Variants in SCAPER observed in about 807,000 individuals in gnomAD.
SCAPER encodes S phase cyclin A-associated protein in the endoplasmic reticulum.
SCAPER carries 98 observed loss-of-function variants against 182.2 expected under a neutral mutation model. The ratio of observed to expected loss-of-function variants is 0.54; its 90% CI spans 0.46 to 0.64. The LOEUF (loss-of-function observed/expected upper bound fraction) is 0.64, where lower values mean the gene tolerates loss of function less well. SCAPER is among the 30% of genes least tolerant of loss of function. The pLI is 0.00. For missense variants in SCAPER, 1,432 were observed against 1,690.0 expected, an observed-to-expected ratio of 0.85 and a Z score of 2.68; for synonymous variants, 605 against 564.6, an observed-to-expected ratio of 1.07 and a Z score of -1.01.
At chr15:76,677,065 C>T (rs1002748400) in intron 20 of SCAPER, among the ~76,000 whole-genome samples, 1 of 151,994 alleles carries the variant, frequency 6.6e-6, no homozygotes, top group African/African-American at 2.4e-5. Context: ...GTCACAGGCA[C>T]AAGTAAAAGC....
chr15:76,406,882 T>C (rs1478482025), intron 26 of SCAPER, among the ~76,000 whole-genome samples: 1 of 152,166 alleles, frequency 6.6e-6, no homozygotes, highest in Non-Finnish European at 1.5e-5. Context: ...CCATAATGAC[T>C]GGTTCCAGGA....
At chr15:76,607,628 A>G (rs988054559) in intron 22 of SCAPER, among the ~76,000 whole-genome samples, 1 of 152,100 alleles carries the variant, frequency 6.6e-6, no homozygotes, top group Admixed American at 6.6e-5. Flanking sequence ...ACTTGGTTCC[A>G]TTCTCCCCGT....
intron 5 of SCAPER, among the ~76,000 whole-genome samples, chr15:76,821,504 C>G (rs1379197294): frequency 2.0e-5 from 3 of 152,266 alleles, no homozygotes; most frequent in East Asian, 3.9e-4. Flanking sequence ...TGCCTGTAGT[C>G]CCAGCTACTA....
chr15:76,652,273 A>AAATATATATATAT (rs1207156993), intron 21 of SCAPER, among the ~76,000 whole-genome samples: 3 of 12,864 alleles, frequency 2.3e-4, no homozygotes, highest in Non-Finnish European at 4.0e-4. Context: ...AAAAAAAAAA[A>AAATATATATATAT]ATATATATAT....
At chr15:76,631,880 T>C (rs1361758722) in intron 21 of SCAPER, among the ~76,000 whole-genome samples, 1 of 152,182 alleles carries the variant, frequency 6.6e-6, no homozygotes, top group East Asian at 1.9e-4. Context: ...TAAAGTGTGT[T>C]TTCCAACTTG....
At chr15:76,901,625 G>A (rs995739218) in intron 1 of SCAPER, among the ~76,000 whole-genome samples, 27 of 152,166 alleles carry the variant, frequency 1.8e-4, no homozygotes, top group African/African-American at 5.1e-4. Flanking sequence ...TAAAATGAAC[G>A]TATTACTTTA....
rs183321542 is a variant in SCAPER, at chr15:76,733,165, C to T, written c.2022+64G>A. The T allele has an allele frequency of 2.3e-4, 339 of 1,458,394 alleles. 1 individual carries two copies. The Admixed American group carries it at 2.5e-3, about 11-fold the overall frequency. The allele number at this position is 1,458,394 out of a possible 1,614,324, so 90.3% of individuals were successfully genotyped here. A position where few individuals can be genotyped will look rare whatever the true frequency, so the allele number is the denominator to read the frequency against. On this transcript the variant is annotated intron_variant, in intron 16 of 31. Transcript: ENST00000563290. ...TGGGGAGAAAAACCCACCGACCCTG[C>T]GGGGCTGGACCCTACAAATATGACA...
At chr15:76,780,236 G>C (rs2064026139) in intron 8 of SCAPER, among the ~76,000 whole-genome samples, 1 of 152,258 alleles carries the variant, frequency 6.6e-6, no homozygotes, top group Non-Finnish European at 1.5e-5. Flanking sequence ...TCCCGCGCCT[G>C]GCTCAGCAGG....
At chr15:76,612,215 AGCTGCT>A (rs561901826) in intron 22 of SCAPER, among the ~76,000 whole-genome samples, 1 of 151,962 alleles carries the variant, frequency 6.6e-6, no homozygotes, top group East Asian at 1.9e-4. Flanking sequence ...CAGCCCAAAA[AGCTGCT>A]GCTGCTGCTG....
chr15:76,891,648 C>T (rs117620875), intron 1 of SCAPER, among the ~76,000 whole-genome samples: 4,695 of 152,172 alleles, frequency 0.031, 118 homozygotes, highest in Non-Finnish European at 0.047. Flanking sequence ...CAAACCACTA[C>T]GCAACAAAAT....
chr15:76,468,047 C>G (rs1362121151), intron 25 of SCAPER, among the ~76,000 whole-genome samples: 1 of 152,140 alleles, frequency 6.6e-6, no homozygotes, highest in African/African-American at 2.4e-5. Context: ...GTATTGACAA[C>G]TATTTTTTAA....
At chr15:76,684,131 C>T (rs1293480549) in intron 20 of SCAPER, among the ~76,000 whole-genome samples, 1 of 151,742 alleles carries the variant, frequency 6.6e-6, no homozygotes. Flanking sequence ...CTATATAGAC[C>T]ACCGACACTA....
chr15:76,882,417 G>GA (rs1245589371), intron 2 of SCAPER, among the ~76,000 whole-genome samples: 5 of 150,530 alleles, frequency 3.3e-5, no homozygotes, highest in Non-Finnish European at 4.4e-5. Context: ...GATATTAAGA[G>GA]AAAAAAAATC....
At chr15:76,585,976 G>A (rs1479467194) in intron 22 of SCAPER, among the ~76,000 whole-genome samples, 1 of 152,168 alleles carries the variant, frequency 6.6e-6, no homozygotes, top group Non-Finnish European at 1.5e-5. Flanking sequence ...AAGAAGAAGT[G>A]AAGGCATTGT....
intron 21 of SCAPER, among the ~76,000 whole-genome samples, chr15:76,643,499 T>C (rs2054271601): frequency 6.6e-6 from 1 of 151,958 alleles, no homozygotes; most frequent in South Asian, 2.1e-4. Flanking sequence ...CTGGCCAACA[T>C]GGTGAAACCC....
chr15:76,821,269 T>G (rs2067516978), intron 5 of SCAPER, among the ~76,000 whole-genome samples: 1 of 152,126 alleles, frequency 6.6e-6, no homozygotes, highest in African/African-American at 2.4e-5. Context: ...CTGTGGTACA[T>G]CCAGAAAATG....
chr15:76,517,237 T>A (rs1567328443), intron 23 of SCAPER, among the ~76,000 whole-genome samples: 1 of 152,080 alleles, frequency 6.6e-6, no homozygotes, highest in Admixed American at 6.5e-5. Context: ...CATACACTTT[T>A]AAAAATATAT....
At chr15:76,896,318 T>G (rs1049189116) in intron 1 of SCAPER, among the ~76,000 whole-genome samples, 4 of 150,720 alleles carry the variant, frequency 2.7e-5, no homozygotes, top group African/African-American at 9.8e-5. Flanking sequence ...CTGCAGTGAG[T>G]TGTGATCACA....
intron 23 of SCAPER, among the ~76,000 whole-genome samples, chr15:76,526,856 G>GTT (rs570754649): frequency 6.8e-6 from 1 of 146,308 alleles, no homozygotes. Flanking sequence ...TTTTCAAATA[G>GTT]TTTTTTTTTT....
Sources: allele counts gnomAD v4.1 joint callset (sites outside exome capture counted in the v4.1 genomes callset), GRCh38; gene constraint gnomAD v4.1.1; transcripts MANE v1.5; gene names NCBI Gene and HGNC (gene_info 2026-07-23, HGNC 2026-07-21).